Variants in KHDRBS2 observed in about 807,000 individuals in gnomAD.
KHDRBS2 encodes KH RNA binding domain containing, signal transduction associated 2, also known as KH domain-containing, RNA-binding, signal transduction-associated protein 2.
A neutral mutation model predicts 44.3 loss-of-function variants in KHDRBS2; 26 were observed. That is an observed-to-expected ratio of 0.59 (90% CI 0.43 to 0.81). KHDRBS2 has a LOEUF of 0.81. Among genes scored for constraint, KHDRBS2 ranks in the 40% least tolerant of loss-of-function variants. The pLI is 0.00. For synonymous variants in KHDRBS2, 194 were observed against 151.1 expected (o/e 1.28, Z -2.08); for missense variants, 476 against 433.1 (o/e 1.10, Z -0.88).
intron 1 of KHDRBS2, among the ~76,000 whole-genome samples, chr6:62,254,155 A>C (rs1836995424): frequency 6.6e-6 from 1 of 152,060 alleles, no homozygotes; most frequent in South Asian, 2.1e-4. Flanking sequence ...GTTTTGTTTC[A>C]GTTGCTGTTC....
intron 4 of KHDRBS2, among the ~76,000 whole-genome samples, chr6:61,976,168 T>C (rs774791359): frequency 6.6e-6 from 1 of 152,156 alleles, no homozygotes; most frequent in African/African-American, 2.4e-5. Flanking sequence ...CCTGGATAGC[T>C]ATTTTATCCC....
chr6:61,634,363 T>C, the KHDRBS2 span, among the ~76,000 whole-genome samples: 1 of 151,972 alleles, frequency 6.6e-6, no homozygotes, highest in African/African-American at 2.4e-5. Context: ...GGTAGCCATT[T>C]GGTTTCATTC....
chr6:61,659,654 C>T, the KHDRBS2 span, among the ~76,000 whole-genome samples: 1 of 151,660 alleles, frequency 6.6e-6, no homozygotes, highest in Non-Finnish European at 1.5e-5. Flanking sequence ...ATCTTAAAAT[C>T]CACAGTCCTT....
chr6:62,053,735 G>T (rs1457462091), intron 2 of KHDRBS2, among the ~76,000 whole-genome samples: 1 of 151,704 alleles, frequency 6.6e-6, no homozygotes, highest in Non-Finnish European at 1.5e-5. Context: ...CAGCACCAAC[G>T]ACTCAAACAA....
At chr6:62,143,098 A>G (rs540055520) in intron 2 of KHDRBS2, among the ~76,000 whole-genome samples, 17 of 151,916 alleles carry the variant, frequency 1.1e-4, no homozygotes, top group Non-Finnish European at 2.5e-4. Context: ...ATTATAACAT[A>G]ATTGACTTAT....
intron 6 of KHDRBS2, among the ~76,000 whole-genome samples, chr6:61,861,886 C>A (rs477719): frequency 0.57 from 87,151 of 151,848 alleles, 25,186 homozygotes; most frequent in South Asian, 0.68. Flanking sequence ...TCTCTGATTT[C>A]TTTGAGCAGT....
At chr6:61,988,847 C>T (rs1775575221) in intron 3 of KHDRBS2, among the ~76,000 whole-genome samples, 1 of 152,168 alleles carries the variant, frequency 6.6e-6, no homozygotes, top group African/African-American at 2.4e-5. Flanking sequence ...CAAATAAAAA[C>T]AGCAACCAAT....
chr6:62,029,862 T>G (rs1784034468), intron 3 of KHDRBS2, among the ~76,000 whole-genome samples: 1 of 151,956 alleles, frequency 6.6e-6, no homozygotes, highest in Non-Finnish European at 1.5e-5. Context: ...GATATTGCAT[T>G]TTTGTTTACA....
intron 1 of KHDRBS2, among the ~76,000 whole-genome samples, chr6:62,187,529 T>C (rs929771194): frequency 6.6e-6 from 1 of 152,156 alleles, no homozygotes; most frequent in African/African-American, 2.4e-5. Flanking sequence ...GTTTTACTAA[T>C]GTAAGTTTAT....
At chr6:61,945,110 A>ATGTGTAT (rs1414544846) in intron 4 of KHDRBS2, among the ~76,000 whole-genome samples, 2 of 46,274 alleles carry the variant, frequency 4.3e-5, no homozygotes, top group Admixed American at 3.3e-4. Context: ...AAAAAAAAAA[A>ATGTGTAT]AAGTATATAT....
chr6:61,553,354 T>C, the KHDRBS2 span, among the ~76,000 whole-genome samples: 4 of 152,148 alleles, frequency 2.6e-5, no homozygotes. Flanking sequence ...AACATCCCGT[T>C]TGTCATTTCT....
chr6:61,783,566 G>A (rs1474544633), intron 6 of KHDRBS2, among the ~76,000 whole-genome samples: 1 of 152,034 alleles, frequency 6.6e-6, no homozygotes, highest in East Asian at 1.9e-4. Flanking sequence ...TTCATGCTCT[G>A]TGCTCTAAAA....
At chr6:62,106,995 G>A (rs1803550799) in intron 2 of KHDRBS2, among the ~76,000 whole-genome samples, 1 of 152,024 alleles carries the variant, frequency 6.6e-6, no homozygotes, top group East Asian at 1.9e-4. Flanking sequence ...CATACTGAAT[G>A]GGCAAAAACT....
At chr6:61,718,696 G>A (rs1771843600) in intron 7 of KHDRBS2, among the ~76,000 whole-genome samples, 1 of 152,098 alleles carries the variant, frequency 6.6e-6, no homozygotes, top group Non-Finnish European at 1.5e-5. Context: ...CCATTCTGAA[G>A]TAGAGGTCTC....
chr6:62,045,192 G>A lies in KHDRBS2; in HGVS notation c.336+2686C>T, dbSNP rs555830342. On this transcript the variant is annotated intron_variant, in intron 3 of 8. Coordinates refer to ENST00000281156, the MANE Select transcript of KHDRBS2 (RefSeq NM_152688.4). The stretch of plus-strand genomic sequence containing the variant: ...AAAGAATGAAGGTGAGCCAGTGATT[G>A]CGAATTACTTTCCAGGAGTTTTACT... Among the ~76,000 whole-genome samples the A allele has an allele frequency of 8.5e-5, 13 of 152,048 alleles. No individual in the cohort carries two copies. The South Asian group carries it at 2.3e-3, about 27-fold the overall frequency.
intron 2 of KHDRBS2, among the ~76,000 whole-genome samples, chr6:62,102,539 T>C (rs1281887232): frequency 1.3e-5 from 2 of 152,142 alleles, no homozygotes; most frequent in East Asian, 3.9e-4. Context: ...TGCCACAGAA[T>C]GATGAGTGGG....
At chr6:61,665,679 A>G in the KHDRBS2 span, among the ~76,000 whole-genome samples, 1 of 151,250 alleles carries the variant, frequency 6.6e-6, no homozygotes, top group Non-Finnish European at 1.5e-5. Flanking sequence ...TAAAATCTGA[A>G]TATCTTTTGA....
the KHDRBS2 span, among the ~76,000 whole-genome samples, chr6:61,565,697 C>A: frequency 6.6e-6 from 1 of 151,942 alleles, no homozygotes; most frequent in Admixed American, 6.6e-5. Context: ...AATGCTTGTA[C>A]CCTGTTGGTG....
chr6:62,281,293 T>C (rs1408173349), intron 1 of KHDRBS2, among the ~76,000 whole-genome samples: 1 of 152,168 alleles, frequency 6.6e-6, no homozygotes, highest in East Asian at 1.9e-4. Context: ...TCATGTTATG[T>C]TTGTTTAATT....
Sources: gnomAD v4.1 joint callset for allele counts (sites outside exome capture counted in the v4.1 genomes callset) on GRCh38, gnomAD v4.1.1 for gene constraint, MANE v1.5 for transcripts, NCBI Gene and HGNC (gene_info 2026-07-23, HGNC 2026-07-21) for gene names.